The following ELAPOR2 variants were observed in gnomAD, a reference collection of about 807,000 sequenced individuals.
The protein encoded by ELAPOR2 is endosome-lysosome associated apoptosis and autophagy regulator family member 2, also known as endosome/lysosome-associated apoptosis and autophagy regulator family member 2.
A neutral mutation model predicts 120.7 loss-of-function variants in ELAPOR2; 89 were observed. That is an observed-to-expected ratio of 0.74 (90% CI 0.62 to 0.88). The LOEUF (loss-of-function observed/expected upper bound fraction) is 0.88, where lower values mean the gene tolerates loss of function less well. ELAPOR2 is among the 40% of genes least tolerant of loss of function. ELAPOR2 has a pLI of 0.00. For synonymous variants in ELAPOR2, 444 were observed against 444.9 expected (o/e 1.00, Z 0.03); for missense variants, 1,134 against 1,251.6 (o/e 0.91, Z 1.42).
chr7:86,939,483 G>A (rs1442656622), intron 6 of ELAPOR2, among the ~76,000 whole-genome samples: 3 of 152,088 alleles, frequency 2.0e-5, no homozygotes, highest in South Asian at 2.1e-4. Flanking sequence ...GTTTAATAAA[G>A]GAGAATCACT....
intron 5 of ELAPOR2, chr7:86,941,229 A>T (rs1790782689): frequency 2.2e-6 from 1 of 452,622 alleles, no homozygotes; most frequent in Non-Finnish European, 4.5e-6. Context: ...CATCAGACAC[A>T]AAGAGATTAA....
Position 86,926,779 on chromosome 7 carries a change from A to G in ELAPOR2, c.1227T>C (p.Ser409=). ...ATGTTCCAGGAGGACAGGGATGGCA[A>G]GAAGATGATCCATTGTTATAAAATC... ...NPGFYNNGSS[S]CHPCPPGTFS... is the part of the protein sequence containing the mutation. Residue 409 remains serine, a synonymous_variant, in exon 9 of 22, where the codon TCT becomes TCC. Transcript: ENST00000450689. 1 of 1,611,998 alleles carries G rather than the reference A, an allele frequency of 6.2e-7. No individual in the cohort carries two copies. Among genetic ancestry groups the G allele is most frequent in the Non-Finnish European group, 8.5e-7 (1 of 1,178,838 alleles).
In ELAPOR2 at chr7:86,914,884, A is replaced by G; in HGVS notation, c.1594-24T>C. 2 of 1,578,934 alleles carry G rather than the reference A, an allele frequency of 1.3e-6. 1 individual carries two copies. Among genetic ancestry groups the G allele is most frequent in the South Asian group, 2.3e-5 (2 of 87,068 alleles). ...TCCTGAAATATAGTGGAAAAACTAT[A>G]TTCAAATAAAGCACAAACTCAACAT... On this transcript the variant is annotated intron_variant, in intron 12 of 21. Coordinates refer to ENST00000450689, the MANE Select transcript of ELAPOR2 (RefSeq NM_001142749.3).
chr7:86,959,310 A>G (rs1457092675), intron 2 of ELAPOR2, among the ~76,000 whole-genome samples: 1 of 151,954 alleles, frequency 6.6e-6, no homozygotes, highest in Non-Finnish European at 1.5e-5. Flanking sequence ...TATGCCTTTT[A>G]TTTCTTTTTC....
chr7:86,916,470 G>C (rs1789574310), intron 12 of ELAPOR2, among the ~76,000 whole-genome samples: 1 of 152,140 alleles, frequency 6.6e-6, no homozygotes, highest in Non-Finnish European at 1.5e-5. Flanking sequence ...CTAAAGAAAG[G>C]TGAGTCATAA....
chr7:86,961,939 C>T (rs1346278047), intron 2 of ELAPOR2, among the ~76,000 whole-genome samples: 2 of 152,114 alleles, frequency 1.3e-5, no homozygotes, highest in South Asian at 2.1e-4. Context: ...CAGAGAAGCA[C>T]TAAGCAACTG....
intron 1 of ELAPOR2, among the ~76,000 whole-genome samples, chr7:87,020,278 T>A (rs1204098295): frequency 6.6e-6 from 1 of 152,108 alleles, no homozygotes; most frequent in Non-Finnish European, 1.5e-5. Flanking sequence ...CTATCTTAAA[T>A]ATACAGCTTT....
At chr7:86,881,798 A>G (rs1328220062) in intron 21 of ELAPOR2, among the ~76,000 whole-genome samples, 1 of 152,232 alleles carries the variant, frequency 6.6e-6, no homozygotes, top group Non-Finnish European at 1.5e-5. Context: ...AATAAAAATG[A>G]AGAGAACTAT....
At chr7:86,926,615 C>G in intron 9 of ELAPOR2, 121 bp downstream of exon 9, 1 of 952,926 alleles carries the variant, frequency 1.0e-6, no homozygotes, top group Admixed American at 3.1e-5. Context: ...CAATTTTTGT[C>G]TACTAAAACT....
intron 21 of ELAPOR2, among the ~76,000 whole-genome samples, chr7:86,885,021 G>A (rs772112793): frequency 9.2e-5 from 14 of 152,038 alleles, no homozygotes; most frequent in East Asian, 3.8e-4. Context: ...TCTTATTGTC[G>A]CAGATTGGGT....
intron 1 of ELAPOR2, among the ~76,000 whole-genome samples, chr7:86,983,066 C>A (rs1281161457): frequency 6.6e-6 from 1 of 152,064 alleles, no homozygotes; most frequent in East Asian, 1.9e-4. Context: ...CCAATTCGAT[C>A]AAGTGGAAGA....
intron 1 of ELAPOR2, among the ~76,000 whole-genome samples, chr7:87,051,848 G>A (rs1489054363): frequency 6.6e-6 from 1 of 152,200 alleles, no homozygotes; most frequent in East Asian, 1.9e-4. Context: ...AGAAAGAGGT[G>A]CTTTATTAAT....
chr7:86,998,047 C>T (rs1026120372), intron 1 of ELAPOR2, among the ~76,000 whole-genome samples: 19 of 152,094 alleles, frequency 1.2e-4, no homozygotes, highest in Admixed American at 7.9e-4. Context: ...TTATCACTAA[C>T]GGGAAGTCTA....
intron 5 of ELAPOR2, chr7:86,941,415 C>T (rs2116344803): frequency 3.8e-6 from 2 of 521,144 alleles, no homozygotes; most frequent in Admixed American, 3.9e-5. Flanking sequence ...TACTTTACTT[C>T]ATGTAACCAG....
chr7:86,940,263 C>T (rs1312756126), intron 5 of ELAPOR2, 148 bp from the exon 6 acceptor site: 1 of 440,570 alleles, frequency 2.3e-6, no homozygotes, highest in Non-Finnish European at 4.0e-6. Flanking sequence ...CTGACCTAAC[C>T]TCCGCTGAAG....
chr7:86,960,291 C>T (rs1373685676), intron 2 of ELAPOR2, among the ~76,000 whole-genome samples: 1 of 152,176 alleles, frequency 6.6e-6, no homozygotes, highest in Admixed American at 6.5e-5. Context: ...CACTCTGTCG[C>T]CCAGGCTGGA....
chr7:86,925,746 T>C, intron 9 of ELAPOR2, 90 bp from the exon 10 acceptor site: 2 of 1,169,002 alleles, frequency 1.7e-6, no homozygotes, highest in Non-Finnish European at 1.3e-6. Flanking sequence ...ACATTACAAT[T>C]AGCAGGGAGA....
intron 18 of ELAPOR2, among the ~76,000 whole-genome samples, chr7:86,898,040 A>C (rs1007413946): frequency 3.3e-5 from 5 of 152,190 alleles, no homozygotes; most frequent in African/African-American, 1.2e-4. Flanking sequence ...AAACTGGTAC[A>C]TCAATGTTTA....
In ELAPOR2 at chr7:86,899,946, T is replaced by C. The variant is rs556032692; in HGVS notation, c.2559-2314A>G. Among the ~76,000 whole-genome samples, 4 of 152,042 alleles carry C rather than the reference T, an allele frequency of 2.6e-5. No individual in the cohort carries two copies. The South Asian group carries it at 8.3e-4, about 32-fold the overall frequency. ...TACAATAGATGAAAACCATGCCACA[T>C]AAAATATCCATACTTTCCACCTTCT... is the stretch of plus-strand genomic sequence containing the variant. On this transcript the variant is annotated intron_variant, in intron 18 of 21. Transcript: ENST00000450689.
Sources: gnomAD v4.1 joint callset for allele counts (sites outside exome capture counted in the v4.1 genomes callset) on GRCh38, gnomAD v4.1.1 for gene constraint, MANE v1.5 for transcripts, NCBI Gene and HGNC (gene_info 2026-07-23, HGNC 2026-07-21) for gene names.